The following BOLL variants were observed in gnomAD, a reference collection of about 807,000 sequenced individuals.
BOLL encodes the protein boule RNA binding protein.
BOLL carries 23 observed loss-of-function variants against 44.4 expected under a neutral mutation model. That is an observed-to-expected ratio of 0.52 (90% CI 0.37 to 0.73). The LOEUF is 0.73. BOLL is among the 30% of genes least tolerant of loss of function. BOLL has a pLI of 0.00. For missense variants in BOLL, 287 were observed against 338.3 expected, an observed-to-expected ratio of 0.85 and a Z score of 1.19; for synonymous variants, 97 against 110.8, an observed-to-expected ratio of 0.88 and a Z score of 0.78.
At chr2:197,775,235 C>G (rs1248026674) in intron 5 of BOLL, among the ~76,000 whole-genome samples, 2 of 151,782 alleles carry the variant, frequency 1.3e-5, no homozygotes, top group Admixed American at 1.3e-4. Context: ...GGCTGGGTTA[C>G]AGTACACAGC....
chr2:197,750,979 C>T (rs1288219928), intron 9 of BOLL, among the ~76,000 whole-genome samples: 1 of 152,122 alleles, frequency 6.6e-6, no homozygotes, highest in Non-Finnish European at 1.5e-5. Context: ...AATTAGAATG[C>T]AGGATTAAGA....
At chr2:197,757,277 T>G in intron 8 of BOLL, 76 bp downstream of exon 8, 1 of 1,294,190 alleles carries the variant, frequency 7.7e-7, no homozygotes, top group Non-Finnish European at 1.1e-6. Context: ...TCTAAAAAAC[T>G]TTAGTATTCA....
At position 197,730,150 on chromosome 2, in the gene BOLL, G is replaced by A. The variant is rs1373076637; in HGVS notation, c.829-1572C>T. Among the ~76,000 whole-genome samples the A allele has an allele frequency of 4.6e-5, 6 of 129,554 alleles. No homozygotes were observed. In the East Asian group the frequency reaches 1.0e-3, roughly 22 times the overall value. The allele number at this position is 129,554 out of a possible 152,430, so 85.0% of individuals were successfully genotyped here. A position where few individuals can be genotyped will look rare whatever the true frequency, so the allele number is the denominator to read the frequency against. Reference sequence around the variant, plus strand: ...GATGGAGCTGAAAACCAAGGCTCGAGAACTACGTGAAGAATGAAGAAGCCT... The same window carrying A: ...GATGGAGCTGAAAACCAAGGCTCGAAAACTACGTGAAGAATGAAGAAGCCT... On this transcript the variant is annotated intron_variant, in intron 10 of 10. Coordinates refer to ENST00000392296, the MANE Select transcript of BOLL (RefSeq NM_033030.6).
intron 2 of BOLL, among the ~76,000 whole-genome samples, chr2:197,780,448 A>G (rs1304987469): frequency 6.6e-6 from 1 of 152,090 alleles, no homozygotes; most frequent in East Asian, 1.9e-4. Context: ...ACCTGGCCAT[A>G]CAAATGTTTA....
intron 7 of BOLL, among the ~76,000 whole-genome samples, chr2:197,758,081 T>C (rs1032567507): frequency 1.3e-5 from 2 of 152,220 alleles, no homozygotes; most frequent in Admixed American, 6.5e-5. Flanking sequence ...CGCAGCCCTT[T>C]GGGAAAATAA....
intron 5 of BOLL, chr2:197,773,943 C>A: frequency 2.5e-6 from 1 of 407,270 alleles, no homozygotes; most frequent in Non-Finnish European, 5.0e-6. Context: ...AAAGAAATGA[C>A]AGATCTAAGA....
intron 6 of BOLL, among the ~76,000 whole-genome samples, chr2:197,766,990 G>A (rs700651): frequency 0.72 from 109,633 of 151,872 alleles, 40,654 homozygotes; most frequent in African/African-American, 0.9. Flanking sequence ...TTATAATAGT[G>A]TTTAGAACTG....
intron 10 of BOLL, among the ~76,000 whole-genome samples, chr2:197,729,393 C>T (rs1218595672): frequency 6.6e-6 from 1 of 152,274 alleles, no homozygotes; most frequent in Non-Finnish European, 1.5e-5. Context: ...GGGGGAGGGG[C>T]GCCCGCCATT....
At chr2:197,750,845 T>G (rs1688210168) in intron 9 of BOLL, among the ~76,000 whole-genome samples, 1 of 152,212 alleles carries the variant, frequency 6.6e-6, no homozygotes, top group African/African-American at 2.4e-5. Context: ...AGAATATACA[T>G]TCTTCTCAGC....
At chr2:197,757,466 T>C (rs1688570120) in intron 7 of BOLL, 66 bp from the exon 8 acceptor site, 1 of 1,408,128 alleles carries the variant, frequency 7.1e-7, no homozygotes, top group Admixed American at 2.0e-5. Flanking sequence ...ACTAGATATC[T>C]ACAGGCAAAA....
At chr2:197,782,313 C>T (rs1689826744) in intron 1 of BOLL, among the ~76,000 whole-genome samples, 1 of 152,130 alleles carries the variant, frequency 6.6e-6, no homozygotes, top group South Asian at 2.1e-4. Flanking sequence ...CCCTGTGACT[C>T]TGATGGATCA....
intron 9 of BOLL, chr2:197,755,972 C>T (rs918609885): frequency 5.9e-5 from 9 of 152,088 alleles, no homozygotes; most frequent in Non-Finnish European, 1.0e-4. Flanking sequence ...CTATAAGTAA[C>T]GGATCAGAAA....
intron 10 of BOLL, 119 bp downstream of exon 10, chr2:197,742,942 A>G (rs1687823227): frequency 1.8e-6 from 1 of 561,296 alleles, no homozygotes; most frequent in East Asian, 3.3e-5. Context: ...CTAATTCTGT[A>G]CTTCTGATCA....
chr2:197,736,703 G>T (rs1454286699), intron 10 of BOLL, among the ~76,000 whole-genome samples: 1 of 152,120 alleles, frequency 6.6e-6, no homozygotes, highest in African/African-American at 2.4e-5. Context: ...TGCATGGGTT[G>T]CTTCTCATTA....
chr2:197,784,010 C>T (rs1240566409), intron 1 of BOLL, among the ~76,000 whole-genome samples: 1 of 152,032 alleles, frequency 6.6e-6, no homozygotes. Flanking sequence ...GTAAACAGTG[C>T]TTTATTTCCA....
At chr2:197,760,378 C>A (rs1040324467) in intron 7 of BOLL, among the ~76,000 whole-genome samples, 3 of 152,192 alleles carry the variant, frequency 2.0e-5, no homozygotes, top group African/African-American at 7.2e-5. Flanking sequence ...GAGAAACAGT[C>A]CCATGGGCTG....
chr2:197,738,184 C>A (rs1476452811), intron 10 of BOLL, among the ~76,000 whole-genome samples: 2 of 152,124 alleles, frequency 1.3e-5, no homozygotes, highest in African/African-American at 4.8e-5. Context: ...TAGTCTAGTT[C>A]AGTGGGATAA....
rs923078388 is a variant in BOLL at position 197,785,248 on chromosome 2, C to G, written c.-208G>C. 1.0e-6 allele frequency: 1 copy of G among 985,756 alleles called. No individual in the cohort carries two copies. Among genetic ancestry groups the G allele is most frequent in the Non-Finnish European group, 1.2e-6 (1 of 829,926 alleles). The allele number at this position is 985,756 out of a possible 1,614,324, so 61.1% of individuals were successfully genotyped here. A position where few individuals can be genotyped will look rare whatever the true frequency, so the allele number is the denominator to read the frequency against. On this transcript the variant is annotated 5_prime_UTR_variant, in exon 1 of 11. Coordinates refer to ENST00000392296, the MANE Select transcript of BOLL (RefSeq NM_033030.6). This position sits in a 1 kb window ranked among gnomAD's most constrained non-coding sequence, Gnocchi z 6.7. ...AGGCTAGCCAGCGAGAAATTTTGCCCCACAAATCCGCCAGCAGCAGTGGCG... is the reference window on the plus strand; with the variant it reads ...AGGCTAGCCAGCGAGAAATTTTGCCGCACAAATCCGCCAGCAGCAGTGGCG...
At chr2:197,785,875 C>T (rs1029680763), upstream of BOLL, 5 of 943,922 alleles carry the variant, frequency 5.3e-6, no homozygotes, top group African/African-American at 6.5e-5. This position sits in a 1 kb window ranked among gnomAD's most constrained non-coding sequence, Gnocchi z 6.7. Flanking sequence ...AACCAGATAG[C>T]GAGCGTTTGG....
Sources: gnomAD v4.1 joint callset for allele counts (sites outside exome capture counted in the v4.1 genomes callset) on GRCh38, gnomAD v4.1.1 for gene constraint, Gnocchi (gnomAD v3.1) non-coding constraint, MANE v1.5 for transcripts, NCBI Gene and HGNC (gene_info 2026-07-23, HGNC 2026-07-21) for gene names.